ASCC3: variants seen among roughly 807,000 people sequenced by gnomAD.
ASCC3 encodes the protein ASC-1 complex subunit P200.
A neutral mutation model predicts 256.3 loss-of-function variants in ASCC3; 158 were observed. The observed-to-expected ratio is 0.62, with a 90% confidence interval of 0.54 to 0.70. ASCC3 has a LOEUF of 0.70. ASCC3 is among the 30% of genes least tolerant of loss of function. The pLI, the probability that ASCC3 is intolerant of heterozygous loss-of-function variation, is 0.00. For synonymous variants in ASCC3, 948 were observed against 883.4 expected (o/e 1.07, Z -1.30); for missense variants, 2,259 against 2,626.0 (o/e 0.86, Z 3.05).
At chr6:100,644,736 T>C (rs1775297413) in intron 22 of ASCC3, among the ~76,000 whole-genome samples, 2 of 152,244 alleles carry the variant, frequency 1.3e-5, no homozygotes, top group Middle Eastern at 3.4e-3. Flanking sequence ...GCTCATGGGA[T>C]TCCCCTCCCA....
At position 100,848,368 on chromosome 6, in the gene ASCC3, AG is replaced by A; in HGVS notation, c.580del (p.Leu194Ter). On this transcript the variant is annotated frameshift_variant, in exon 4 of 42. Transcript: ENST00000369162. LOFTEE classifies it high-confidence loss of function. Reference sequence around the variant, plus strand: ...TTCATTCAGAAACTTCTTATAATCTAGGCTTATAGTTTTCTGAGTTTCACCA... The same window carrying A: ...TTCATTCAGAAACTTCTTATAATCTAGCTTATAGTTTTCTGAGTTTCACCA... ...INGETQKTIS[L>X]DYKKFLNEHL... is the part of the protein sequence containing the mutation. 1 of 1,613,928 alleles carries A rather than the reference AG, an allele frequency of 6.2e-7. No homozygotes were observed. The highest frequency in any genetic ancestry group is 8.5e-7 in the Non-Finnish European group (1 of 1,179,980).
At chr6:100,759,562 T>C (rs1781338208) in intron 10 of ASCC3, among the ~76,000 whole-genome samples, 1 of 151,574 alleles carries the variant, frequency 6.6e-6, no homozygotes, top group South Asian at 2.1e-4. Flanking sequence ...TGTTATTTCT[T>C]GTAGTATAGT....
chr6:100,810,218 T>C (rs1463544983), intron 4 of ASCC3, among the ~76,000 whole-genome samples: 1 of 152,104 alleles, frequency 6.6e-6, no homozygotes, highest in Non-Finnish European at 1.5e-5. Flanking sequence ...TGTCCATGTG[T>C]CTCTACATGC....
chr6:100,821,862 AC>A (rs952865892), intron 4 of ASCC3, among the ~76,000 whole-genome samples: 2 of 152,098 alleles, frequency 1.3e-5, no homozygotes, highest in African/African-American at 4.8e-5. Context: ...GAAGTAATAA[AC>A]AACATGAATG....
chr6:100,650,709 T>C lies in ASCC3; in HGVS notation c.3081A>G (p.Arg1027=), dbSNP rs1487593771. 4 of 1,609,344 alleles carry C rather than the reference T, an allele frequency of 2.5e-6. No homozygotes were observed. Among genetic ancestry groups the C allele is most frequent in the Non-Finnish European group, 2.5e-6 (3 of 1,176,518 alleles). ...TATCTAACTCCTCTATTTCCTCTTC[T>C]CTGACCTAGAAGAATCAATGTATTT... ...KAEEFDQIKV[R]EEEIEELDTL... The change falls in exon 20 of 42, where the codon AGA becomes AGG. Residue 1027 remains arginine, a synonymous_variant. Coordinates refer to ENST00000369162, the MANE Select transcript of ASCC3 (RefSeq NM_006828.4).
intron 38 of ASCC3, among the ~76,000 whole-genome samples, chr6:100,517,757 A>G (rs1188482285): frequency 6.6e-6 from 1 of 152,134 alleles, no homozygotes. Flanking sequence ...AATGCTTCAA[A>G]TGGAAAATGA....
intron 14 of ASCC3, among the ~76,000 whole-genome samples, chr6:100,665,983 C>T (rs926737358): frequency 1.3e-5 from 2 of 152,208 alleles, no homozygotes; most frequent in Non-Finnish European, 2.9e-5. Flanking sequence ...TTAAACTCTT[C>T]GCAACTACTA....
intron 4 of ASCC3, among the ~76,000 whole-genome samples, chr6:100,831,551 A>T (rs1771619292): frequency 6.6e-6 from 1 of 152,136 alleles, no homozygotes. Flanking sequence ...GCTAATCTTA[A>T]TGGAAGCCAG....
At chr6:100,845,158 A>G (rs918881510) in intron 4 of ASCC3, among the ~76,000 whole-genome samples, 2 of 152,146 alleles carry the variant, frequency 1.3e-5, no homozygotes, top group Non-Finnish European at 2.9e-5. Context: ...GCGCCTGTGT[A>G]CTTTGTCAGA....
intron 36 of ASCC3, among the ~76,000 whole-genome samples, chr6:100,583,216 T>C (rs192222814): frequency 6.6e-6 from 1 of 152,356 alleles, no homozygotes; most frequent in East Asian, 1.9e-4. Context: ...CATCTGGTCC[T>C]GGACTCTTTT....
At chr6:100,649,814 A>C (rs183315653) in intron 20 of ASCC3, among the ~76,000 whole-genome samples, 1 of 151,660 alleles carries the variant, frequency 6.6e-6, no homozygotes, top group African/African-American at 2.4e-5. Flanking sequence ...CAGGTAAATA[A>C]TTTTTTTAAA....
chr6:100,737,584 A>T (rs957152935), intron 10 of ASCC3, among the ~76,000 whole-genome samples: 3 of 152,196 alleles, frequency 2.0e-5, no homozygotes, highest in Non-Finnish European at 4.4e-5. Context: ...GCTGCACAGT[A>T]TTCCATGGTG....
At chr6:100,863,908 C>G (rs938388529) in intron 3 of ASCC3, among the ~76,000 whole-genome samples, 156 bp downstream of exon 3, 2 of 152,086 alleles carry the variant, frequency 1.3e-5, no homozygotes, top group African/African-American at 4.8e-5. Context: ...CATGCATGAG[C>G]CACCGCGCCT....
intron 10 of ASCC3, among the ~76,000 whole-genome samples, chr6:100,740,358 G>C (rs1197759602): frequency 6.6e-6 from 1 of 152,136 alleles, no homozygotes; most frequent in Non-Finnish European, 1.5e-5. Flanking sequence ...CCGATTATGT[G>C]ATCAATTTTA....
chr6:100,673,265 A>T (rs903082141), intron 14 of ASCC3, among the ~76,000 whole-genome samples: 6 of 152,120 alleles, frequency 3.9e-5, no homozygotes, highest in Admixed American at 1.3e-4. Context: ...TAGAAAAATT[A>T]AAAAAATTAA....
chr6:100,771,097 A>T (rs1475666994), intron 8 of ASCC3, among the ~76,000 whole-genome samples: 1 of 152,166 alleles, frequency 6.6e-6, no homozygotes, highest in Non-Finnish European at 1.5e-5. Flanking sequence ...CAAATCAAGG[A>T]ACTGAATACA....
At position 100,781,967 on chromosome 6, in the gene ASCC3, A is replaced by G. The variant is rs1451268879; in HGVS notation, c.1396-14622T>C. ...ATTTATATCTCTCTATATATATTAT[A>G]CCAACATATGCTATTATTTTAAAAT... On this transcript the variant is annotated intron_variant, in intron 8 of 41. Coordinates refer to ENST00000369162, the MANE Select transcript of ASCC3 (RefSeq NM_006828.4). Among the ~76,000 whole-genome samples, 3 of 152,098 alleles carry G rather than the reference A, an allele frequency of 2.0e-5. No homozygotes were observed. The East Asian group carries it at 5.8e-4, about 29-fold the overall frequency.
intron 37 of ASCC3, among the ~76,000 whole-genome samples, chr6:100,519,924 A>G (rs998330955): frequency 5.9e-5 from 9 of 152,086 alleles, no homozygotes; most frequent in African/African-American, 1.9e-4. Flanking sequence ...TAAATAGAAA[A>G]CTATTATTTA....
intron 10 of ASCC3, among the ~76,000 whole-genome samples, chr6:100,747,572 TACATGCA>T (rs1161527941): frequency 6.6e-6 from 1 of 152,062 alleles, no homozygotes; most frequent in African/African-American, 2.4e-5. Context: ...GAACTATTAA[TACATGCA>T]ACAACATGGA....
Sources: allele counts gnomAD v4.1 joint callset (sites outside exome capture counted in the v4.1 genomes callset), GRCh38; gene constraint gnomAD v4.1.1; transcripts MANE v1.5; gene names NCBI Gene and HGNC (gene_info 2026-07-23, HGNC 2026-07-21).